Variants in HNF4A observed in about 807,000 individuals in gnomAD.
The protein encoded by HNF4A is hepatocyte nuclear factor 4-alpha.
HNF4A carries 15 observed loss-of-function variants against 52.4 expected under a neutral mutation model. The observed-to-expected ratio is 0.29, with a 90% CI of 0.19 to 0.44. The LOEUF (loss-of-function observed/expected upper bound fraction) is 0.44. Ranked by LOEUF, HNF4A falls within the 20% of genes least tolerant of loss-of-function variation. The pLI is 1.00. For synonymous variants in HNF4A, 280 were observed against 264.4 expected, an observed-to-expected ratio of 1.06 and a Z score of -0.57; for missense variants, 479 against 647.2, an observed-to-expected ratio of 0.74 and a Z score of 2.82.
chr20:44,380,681 T>C (rs937546012), intron 1 of HNF4A, among the ~76,000 whole-genome samples: 7 of 152,206 alleles, frequency 4.6e-5, no homozygotes, highest in East Asian at 1.9e-4. Flanking sequence ...TTATCAGATA[T>C]ATGATTGGCA....
chr20:44,360,933 G>A (rs996023584), intron 1 of HNF4A, among the ~76,000 whole-genome samples: 1 of 152,186 alleles, frequency 6.6e-6, no homozygotes, highest in African/African-American at 2.4e-5. Context: ...TAATGAAAGA[G>A]AAAAGGTAAT....
intron 1 of HNF4A, among the ~76,000 whole-genome samples, chr20:44,394,917 G>A (rs2063339671): frequency 2.0e-5 from 3 of 152,362 alleles, no homozygotes; most frequent in East Asian, 3.9e-4. Context: ...GGACAGGGAG[G>A]GAGGAAGGAG....
chr20:44,385,687 T>C (rs2063214401), intron 1 of HNF4A, among the ~76,000 whole-genome samples: 1 of 152,086 alleles, frequency 6.6e-6, no homozygotes, highest in Admixed American at 6.5e-5. Context: ...CAGGCTGGTC[T>C]TGAATTCTTA....
At chr20:44,421,585 CT>C (rs1229965629) in intron 7 of HNF4A, among the ~76,000 whole-genome samples, 1 of 151,798 alleles carries the variant, frequency 6.6e-6, no homozygotes, top group East Asian at 1.9e-4. Context: ...GAAACCCCGT[CT>C]CTACTAAAAA....
At chr20:44,423,906 C>T (rs996920119) in intron 7 of HNF4A, 112 bp from the exon 8 acceptor site, 2 of 962,824 alleles carry the variant, frequency 2.1e-6, no homozygotes, top group African/African-American at 1.6e-5. Flanking sequence ...CTTGTGCCCA[C>T]ACTGCTGAAG....
chr20:44,355,880 C>T (rs2062851749), intron 1 of HNF4A, 27 bp downstream of exon 1: 1 of 1,595,324 alleles, frequency 6.3e-7, no homozygotes, highest in Non-Finnish European at 8.6e-7. Context: ...GAAGACTGGA[C>T]AGGGCGGGAC....
chr20:44,373,951 A>C (rs542002487), intron 1 of HNF4A, among the ~76,000 whole-genome samples: 1 of 152,076 alleles, frequency 6.6e-6, no homozygotes, highest in Non-Finnish European at 1.5e-5. Context: ...CAGCCTCCCA[A>C]ACTGCTGGGA....
chr20:44,380,401 C>T (rs1442384326), intron 1 of HNF4A, among the ~76,000 whole-genome samples: 1 of 152,088 alleles, frequency 6.6e-6, no homozygotes, highest in Non-Finnish European at 1.5e-5. Context: ...CTCAAGTGGT[C>T]CTCCCACCTC....
chr20:44,423,454 G>A (rs1395462292), intron 7 of HNF4A, among the ~76,000 whole-genome samples: 2 of 152,210 alleles, frequency 1.3e-5, no homozygotes, highest in African/African-American at 4.8e-5. Context: ...AAACAGGAGG[G>A]ACACAGGATA....
upstream of HNF4A, among the ~76,000 whole-genome samples, chr20:44,397,681 A>G (rs536569374): frequency 2.4e-4 from 36 of 152,094 alleles, 1 homozygote; most frequent in South Asian, 6.9e-3. Flanking sequence ...GTGCAGTGGA[A>G]CAATCTCGGC....
chr20:44,380,376 C>T (rs1341850279), intron 1 of HNF4A, among the ~76,000 whole-genome samples: 1 of 152,170 alleles, frequency 6.6e-6, no homozygotes, highest in East Asian at 1.9e-4. Context: ...CTCACCACAG[C>T]CTCAAACTCC....
At position 44,401,275 on chromosome 20, in the gene HNF4A, G is replaced by A; in HGVS notation, c.-98G>A. The A allele has an allele frequency of 1.3e-6, 2 of 1,597,942 alleles. No individual in the cohort carries two copies. Among genetic ancestry groups the A allele is most frequent in the Non-Finnish European group, 1.7e-6 (2 of 1,174,988 alleles). ...GAGGACGGTTTGAAAGGAAGGCAGA[G>A]AGGGCACTGGGAGGAGGCAGTGGGA... On this transcript the variant is annotated 5_prime_UTR_variant, in exon 1 of 10. Coordinates refer to ENST00000316099, the MANE Select transcript of HNF4A (RefSeq NM_000457.6).
intron 7 of HNF4A, among the ~76,000 whole-genome samples, chr20:44,422,959 A>G (rs2063767385): frequency 6.6e-6 from 1 of 152,116 alleles, no homozygotes. Flanking sequence ...GCTTACAGGC[A>G]TGAGCCACCA....
downstream of HNF4A, chr20:44,433,646 A>C (rs1158886783): frequency 6.6e-6 from 1 of 152,262 alleles, no homozygotes; most frequent in Non-Finnish European, 1.5e-5. Flanking sequence ...GCAACACTGC[A>C]CTACAGCCTG....
chr20:44,420,478 T>A (rs1015483976), intron 7 of HNF4A, among the ~76,000 whole-genome samples: 3 of 151,426 alleles, frequency 2.0e-5, no homozygotes, highest in African/African-American at 4.9e-5. Flanking sequence ...CTCAAAAAAA[T>A]TTATCAAAAT....
intron 1 of HNF4A, 96 bp downstream of exon 1, chr20:44,355,949 GC>G: frequency 9.3e-7 from 1 of 1,077,434 alleles, no homozygotes. Flanking sequence ...CGGGCCCAAA[GC>G]TCCTCCTGGA....
chr20:44,410,101 G>A (rs1329648833), intron 3 of HNF4A, among the ~76,000 whole-genome samples: 2 of 152,242 alleles, frequency 1.3e-5, no homozygotes, highest in African/African-American at 4.8e-5. Flanking sequence ...CCAAAGTGCT[G>A]GGATTATAGG....
At chr20:44,400,509 G>A (rs3212174), upstream of HNF4A, among the ~76,000 whole-genome samples, 7 of 152,054 alleles carry the variant, frequency 4.6e-5, no homozygotes, top group East Asian at 1.9e-4. Flanking sequence ...GTTAGTAGAC[G>A]GTAGGTGCCT....
At chr20:44,407,714 A>G (rs1013496977) in intron 3 of HNF4A, among the ~76,000 whole-genome samples, 5 of 149,146 alleles carry the variant, frequency 3.4e-5, no homozygotes, top group Non-Finnish European at 7.4e-5. Flanking sequence ...CCCAGCAACC[A>G]CCACCCCTGC....
Sources: allele counts gnomAD v4.1 joint callset (sites outside exome capture counted in the v4.1 genomes callset), GRCh38; gene constraint gnomAD v4.1.1; transcripts MANE v1.5; gene names NCBI Gene and HGNC (gene_info 2026-07-23, HGNC 2026-07-21).